AFF3: variants seen among roughly 807,000 people sequenced by gnomAD.
AFF3 encodes AF4/FMR2 family member 3.
A neutral mutation model predicts 129.7 loss-of-function variants in AFF3; 32 were observed. The observed-to-expected ratio is 0.25, with a 90% confidence interval of 0.19 to 0.33. The LOEUF (loss-of-function observed/expected upper bound fraction) is 0.33, where lower values mean the gene tolerates loss of function less well. Ranked by LOEUF, AFF3 falls within the 10% of genes least tolerant of loss-of-function variation. The pLI, the probability that AFF3 is intolerant of heterozygous loss-of-function variation, is 1.00. For synonymous variants in AFF3, 644 were observed against 635.4 expected (o/e 1.01, Z -0.20); for missense variants, 1,373 against 1,592.0 (o/e 0.86, Z 2.34).
intron 13 of AFF3, among the ~76,000 whole-genome samples, chr2:99,630,074 A>G (rs570601879): frequency 1.3e-5 from 2 of 152,230 alleles, no homozygotes; most frequent in African/African-American, 4.8e-5. Context: ...CCCACACCTC[A>G]GAAACACTAA....
intron 4 of AFF3, among the ~76,000 whole-genome samples, chr2:100,014,089 T>G (rs1163693928): frequency 6.6e-6 from 1 of 151,598 alleles, no homozygotes; most frequent in African/African-American, 2.4e-5. Context: ...CTCATCCACA[T>G]GCAGCCTGAT....
intron 10 of AFF3, among the ~76,000 whole-genome samples, chr2:99,730,713 C>T (rs553904131): frequency 1.2e-4 from 19 of 152,074 alleles, no homozygotes; most frequent in Admixed American, 5.9e-4. Flanking sequence ...CGAGGTTTCA[C>T]CATATTGGCC....
At chr2:100,101,594 GCTCT>G (rs910929286) in intron 4 of AFF3, among the ~76,000 whole-genome samples, 3 of 138,090 alleles carry the variant, frequency 2.2e-5, no homozygotes, top group East Asian at 2.1e-4. Context: ...ACCATTTAGG[GCTCT>G]CTCTCTTTGT....
At chr2:99,912,595 AT>A (rs767201200) in intron 7 of AFF3, among the ~76,000 whole-genome samples, 2 of 152,180 alleles carry the variant, frequency 1.3e-5, no homozygotes, top group Non-Finnish European at 2.9e-5. Context: ...TTCTCACCAA[AT>A]GGGCCCTCGA....
chr2:99,875,079 A>G (rs1487575608), intron 7 of AFF3, among the ~76,000 whole-genome samples: 1 of 152,232 alleles, frequency 6.6e-6, no homozygotes, highest in African/African-American at 2.4e-5. Context: ...AAAAAGGACA[A>G]GACATTCTTT....
At position 99,820,834 on chromosome 2, in the gene AFF3, C is replaced by T. The variant is rs13414345; in HGVS notation, c.921+16643G>A. On this transcript the variant is annotated intron_variant, in intron 8 of 24. Transcript: ENST00000672756. ...CATATTAGCCTAGGCCCACACAGGGCCAGGATCATCAATATCACTGTCTTC... is the reference window on the plus strand; with the variant it reads ...CATATTAGCCTAGGCCCACACAGGGTCAGGATCATCAATATCACTGTCTTC... Among the ~76,000 whole-genome samples, 253 of 147,738 alleles carry T rather than the reference C, an allele frequency of 1.7e-3. 1 individual carries two copies. Among genetic ancestry groups the T allele is most frequent in the African/African-American group, 6.0e-3 (244 of 40,500 alleles).
intron 10 of AFF3, among the ~76,000 whole-genome samples, chr2:99,730,880 CAGAAA>C (rs1274662539): frequency 1.3e-5 from 2 of 152,084 alleles, no homozygotes; most frequent in African/African-American, 2.4e-5. Flanking sequence ...AAAAAATGAA[CAGAAA>C]AGAAAAGGTA....
intron 8 of AFF3, among the ~76,000 whole-genome samples, chr2:99,783,595 C>T (rs967318790): frequency 2.6e-5 from 4 of 152,232 alleles, no homozygotes; most frequent in African/African-American, 4.8e-5. Flanking sequence ...TGACGAAATA[C>T]GTGTTCTTTT....
intron 11 of AFF3, among the ~76,000 whole-genome samples, chr2:99,680,802 T>A (rs778133921): frequency 6.6e-6 from 1 of 152,072 alleles, no homozygotes. Flanking sequence ...GCTAAAAGAG[T>A]CCCTAATTAA....
At chr2:100,078,475 T>C (rs192622393) in intron 4 of AFF3, among the ~76,000 whole-genome samples, 1 of 152,208 alleles carries the variant, frequency 6.6e-6, no homozygotes, top group Non-Finnish European at 1.5e-5. Context: ...TCTGCAGGAA[T>C]ATCTATGTAG....
At chr2:99,570,917 G>A (rs560210644) in intron 18 of AFF3, among the ~76,000 whole-genome samples, 24 of 152,330 alleles carry the variant, frequency 1.6e-4, no homozygotes, top group African/African-American at 3.6e-4. Context: ...GCCGTAAGGC[G>A]TTCCGAGTAA....
chr2:100,104,900 G>A (rs1691148251), intron 3 of AFF3: 1 of 209,324 alleles, frequency 4.8e-6, no homozygotes, highest in Non-Finnish European at 8.0e-6. Flanking sequence ...AGGCGCGCGC[G>A]CACCGTGAGC....
chr2:100,140,446 T>G (rs1209480967), intron 1 of AFF3, among the ~76,000 whole-genome samples: 3 of 152,166 alleles, frequency 2.0e-5, no homozygotes, highest in Non-Finnish European at 4.4e-5. Context: ...TGCTTTGTAT[T>G]CTGGGTGTGA....
chr2:100,031,419 G>A (rs1018274200), intron 4 of AFF3, among the ~76,000 whole-genome samples: 1 of 152,160 alleles, frequency 6.6e-6, no homozygotes, highest in Non-Finnish European at 1.5e-5. Flanking sequence ...TATAGATATA[G>A]AGGGTTACAT....
chr2:99,709,972 G>A (rs937161576), intron 11 of AFF3, among the ~76,000 whole-genome samples: 7 of 152,236 alleles, frequency 4.6e-5, no homozygotes, highest in African/African-American at 1.4e-4. Context: ...CTGAGGCAGT[G>A]AGGAAAACAA....
chr2:99,556,623 C>A (rs1038329333), intron 22 of AFF3, among the ~76,000 whole-genome samples: 11 of 152,126 alleles, frequency 7.2e-5, no homozygotes, highest in Non-Finnish European at 1.5e-4. Flanking sequence ...CTCAAAGTAG[C>A]ATTTAAATAG....
intron 4 of AFF3, among the ~76,000 whole-genome samples, chr2:100,037,640 A>G (rs1202245508): frequency 2.0e-5 from 2 of 98,098 alleles, no homozygotes; most frequent in Non-Finnish European, 3.7e-5. Flanking sequence ...TTATTTATAT[A>G]TAAATATATA....
intron 4 of AFF3, among the ~76,000 whole-genome samples, chr2:100,089,963 AC>A (rs1175605010): frequency 1.1e-4 from 4 of 37,904 alleles, no homozygotes; most frequent in African/African-American, 4.1e-4. Flanking sequence ...TTTTAAAAAA[AC>A]ATTTAAAGTT....
chr2:99,712,590 A>G (rs1051864475), intron 11 of AFF3, among the ~76,000 whole-genome samples: 4 of 152,230 alleles, frequency 2.6e-5, no homozygotes, highest in Non-Finnish European at 5.9e-5. Flanking sequence ...TGTGACCTGC[A>G]TTTAAAAAGA....
Sources: gnomAD v4.1 joint callset for allele counts (sites outside exome capture counted in the v4.1 genomes callset) on GRCh38, gnomAD v4.1.1 for gene constraint, MANE v1.5 for transcripts, NCBI Gene and HGNC (gene_info 2026-07-23, HGNC 2026-07-21) for gene names.